The following DLEC1 variants were observed in gnomAD, a reference collection of about 807,000 sequenced individuals.
DLEC1 encodes the protein DLEC1 cilia and flagella associated protein.
In DLEC1, 146 loss-of-function variants were observed where a neutral mutation model predicts 198.1. The observed-to-expected ratio is 0.74, with a 90% CI of 0.64 to 0.85. The LOEUF (loss-of-function observed/expected upper bound fraction) is 0.85, where lower values mean the gene tolerates loss of function less well. Ranked by LOEUF, DLEC1 falls within the 40% of genes least tolerant of loss-of-function variation. The pLI is 0.00. For missense variants in DLEC1, 2,233 were observed against 2,220.0 expected (o/e 1.01, Z -0.12); for synonymous variants, 897 against 866.8 (o/e 1.03, Z -0.61).
chr3:38,075,007 G>T (rs1179455840), intron 6 of DLEC1, among the ~76,000 whole-genome samples: 3 of 152,142 alleles, frequency 2.0e-5, no homozygotes, highest in African/African-American at 7.2e-5. Flanking sequence ...CGGACCGGGT[G>T]TGAGGAGGGG....
chr3:38,075,024 TAGA>T lies in DLEC1; in HGVS notation c.1174-9131_1174-9129del, dbSNP rs200182908. ...GACCGGGTGTGAGGAGGGGAGGTGG[TAGA>T]AGGATTATAGGATGGAAGAGCGGAG... On this transcript the variant is annotated intron_variant, in intron 6 of 36. Coordinates refer to ENST00000308059, the MANE Select transcript of DLEC1 (RefSeq NM_007335.4). 5.5e-3 allele frequency among the ~76,000 whole-genome samples: 833 copies of T among 151,682 alleles called. 5 individuals are homozygous for T. The highest frequency in any genetic ancestry group is 0.019 in the African/African-American group (792 of 41,282).
intron 23 of DLEC1, 134 bp from the exon 24 acceptor site, chr3:38,111,543 C>T: frequency 1.2e-6 from 1 of 800,740 alleles, no homozygotes; most frequent in Non-Finnish European, 1.9e-6. Flanking sequence ...GACCAGCTCT[C>T]CCCTGGGAAG....
At position 38,094,886 on chromosome 3, in the gene DLEC1, G is replaced by A. The variant is rs1345466586; in HGVS notation, c.1927G>A (p.Glu643Lys). 2 of 1,613,802 alleles carry A rather than the reference G, an allele frequency of 1.2e-6. No homozygotes were observed. The highest frequency in any genetic ancestry group is 3.3e-5 in the Admixed American group (2 of 60,004). The change falls in exon 13 of 37, where the codon GAG becomes AAG. Residue 643 changes from glutamate (E) to lysine (K), a missense_variant. By Grantham distance (56) the Glu-to-Lys change is moderately conservative. Transcript: ENST00000308059. ...GATGCGTTGCCCCCACAGGCACGTG[G>A]AGCTGGCCTTCTACTGGCAGATCAT... ...QLIIRNATHV[E>K]LAFYWQIMKP...
intron 6 of DLEC1, among the ~76,000 whole-genome samples, chr3:38,066,328 G>A (rs1389683811): frequency 1.3e-5 from 2 of 152,120 alleles, no homozygotes; most frequent in African/African-American, 4.8e-5. Context: ...TTATTAGCTT[G>A]ATTTTCCATT....
chr3:38,086,292 C>T lies in DLEC1; in HGVS notation c.1487C>T (p.Thr496Ile). 1 of 1,612,812 alleles carries T rather than the reference C, an allele frequency of 6.2e-7. No homozygotes were observed. Among genetic ancestry groups the T allele is most frequent in the African/African-American group, 1.3e-5 (1 of 74,992 alleles). The change falls in exon 9 of 37, where the codon ACC becomes ATC. Residue 496 changes from threonine to isoleucine, a missense_variant. By Grantham distance (89) the Thr-to-Ile change is moderately conservative (BLOSUM62 -1). Coordinates refer to ENST00000308059, the MANE Select transcript of DLEC1 (RefSeq NM_007335.4). ...GYCLIGGVKM[T>I]RFICKNVGFS... ...TGCCTCATTGGGGGAGTCAAGATGA[C>T]CAGATTCATCTGCAAAAATGTGGGT...
rs774542195 is a variant in DLEC1, at chr3:38,117,210, G to A, written c.4308G>A (p.Val1436=). The A allele has an allele frequency of 6.1e-5, 98 of 1,614,060 alleles. No homozygotes were observed. Among genetic ancestry groups the A allele is most frequent in the Non-Finnish European group, 8.2e-5 (97 of 1,180,012 alleles). ...GTGATCAGACTTGGGCTCAGTAGGT[G>A]GAAAGGGAGATTCCAGGGAAGAGGC... ...ALGFMSLDSK[V]EREIPGKRHR... is the part of the protein sequence containing the mutation. The change falls in exon 31 of 37, where the codon GTG becomes GTA. Residue 1436 remains valine, a splice_region_variant and synonymous_variant. Transcript: ENST00000308059.
rs1478344843 is a variant in DLEC1, at chr3:38,112,789, A to G, written c.3666+428A>G. Among the ~76,000 whole-genome samples, 3 of 152,180 alleles carry G rather than the reference A, an allele frequency of 2.0e-5. No homozygotes were observed. The highest frequency in any genetic ancestry group is 6.5e-5 in the Admixed American group (1 of 15,286). ...CCATTTAATTGCTCCAGCACTCAGC[A>G]TAAATGGAGTATCTACTGTGTGTGG... On this transcript the variant is annotated intron_variant, in intron 25 of 36. Coordinates refer to ENST00000308059, the MANE Select transcript of DLEC1 (RefSeq NM_007335.4). The surrounding 1 kb of genome is among the most constrained non-coding windows in gnomAD (Gnocchi z 4.8).
chr3:38,096,501 A>G, intron 14 of DLEC1, 68 bp from the exon 15 acceptor site: 1 of 1,523,092 alleles, frequency 6.6e-7, no homozygotes, highest in South Asian at 1.3e-5. Flanking sequence ...CGTGGGACAG[A>G]GGCAGGGACA....
intron 10 of DLEC1, among the ~76,000 whole-genome samples, chr3:38,090,508 T>C (rs1698687989): frequency 6.6e-6 from 1 of 152,228 alleles, no homozygotes; most frequent in African/African-American, 2.4e-5. Context: ...TGGACCATAA[T>C]TTAGTTCAGC....
chr3:38,057,320 G>A (rs6770761), intron 2 of DLEC1, among the ~76,000 whole-genome samples: 8,858 of 152,172 alleles, frequency 0.058, 323 homozygotes, highest in Middle Eastern at 0.12. Context: ...GTGAAACCCC[G>A]TCTCTACTAA....
intron 19 of DLEC1, among the ~76,000 whole-genome samples, chr3:38,106,155 G>T (rs939933796): frequency 6.6e-6 from 1 of 152,088 alleles, no homozygotes; most frequent in Non-Finnish European, 1.5e-5. Flanking sequence ...ACAGTTATTG[G>T]TTTGTATAGT....
rs1221989328 is a variant in DLEC1 at position 38,122,715 on chromosome 3, T to C, written c.*303T>C. 7.3e-7 allele frequency: 1 copy of C among 1,373,558 alleles called. No homozygotes were observed. Among genetic ancestry groups the C allele is most frequent in the East Asian group, 2.7e-5 (1 of 36,922 alleles). The allele number at this position is 1,373,558 out of a possible 1,614,324, so 85.1% of individuals were successfully genotyped here. A position where few individuals can be genotyped will look rare whatever the true frequency, so the allele number is the denominator to read the frequency against. Reference sequence around the variant, plus strand: ...TGGAAAAAAACCACAGCCACTAAGATAAATTCATGCACTTTTACTATGCCC... The same window carrying C: ...TGGAAAAAAACCACAGCCACTAAGACAAATTCATGCACTTTTACTATGCCC... On this transcript the variant is annotated 3_prime_UTR_variant, in exon 37 of 37. Coordinates refer to ENST00000308059, the MANE Select transcript of DLEC1 (RefSeq NM_007335.4).
chr3:38,041,360 C>G lies in DLEC1; in HGVS notation c.411+1724C>G, dbSNP rs539441128. 2.0e-4 allele frequency among the ~76,000 whole-genome samples: 31 copies of G among 152,228 alleles called. No individual in the cohort carries two copies. In the East Asian group the frequency reaches 5.8e-3, roughly 28 times the overall value. ...GTCCCACTATGTTGCCCAGGCTGGT[C>G]TCAAATTTCTGGCCTCAATTGATCC... On this transcript the variant is annotated intron_variant, in intron 1 of 36. Coordinates refer to ENST00000308059, the MANE Select transcript of DLEC1 (RefSeq NM_007335.4).
chr3:38,084,467 AGTGGTG>A (rs200804795), intron 7 of DLEC1, among the ~76,000 whole-genome samples: 266 of 2,530 alleles, frequency 0.11, 25 homozygotes, highest in African/African-American at 0.13. Context: ...TAGTAATAGT[AGTGGTG>A]GTGGTGGTAG....
intron 35 of DLEC1, 144 bp from the exon 36 acceptor site, chr3:38,121,927 C>T: frequency 6.6e-7 from 1 of 1,508,572 alleles, no homozygotes; most frequent in South Asian, 1.3e-5. Flanking sequence ...GCAGCCAGTC[C>T]CCCAATCCCA....
At position 38,116,666 on chromosome 3, in the gene DLEC1, G is replaced by A. The variant is rs374575202; in HGVS notation, c.4062+8G>A. On this transcript the variant is annotated splice_region_variant and intron_variant, in intron 28 of 36. Coordinates refer to ENST00000308059, the MANE Select transcript of DLEC1 (RefSeq NM_007335.4). ...CATGAAACTGACTCATCAGTGAGCA[G>A]GGGTGGAGGGGCGGGGCAGGCTGGC... The A allele has an allele frequency of 2.0e-4, 319 of 1,613,744 alleles. No homozygotes were observed. Among genetic ancestry groups the A allele is most frequent in the Admixed American group, 1.3e-3 (81 of 60,012 alleles).
rs368528968 is a variant in DLEC1 at position 38,121,641 on chromosome 3, G to A, written c.4880G>A (p.Arg1627Gln). 26 of 1,613,614 alleles carry A rather than the reference G, an allele frequency of 1.6e-5. No homozygotes were observed. Among genetic ancestry groups the A allele is most frequent in the Middle Eastern group, 3.3e-4 (2 of 6,076 alleles). Residue 1627 changes from arginine (R) to glutamine (Q), a missense_variant, in exon 35 of 37, where the codon CGG becomes CAG. Coordinates refer to ENST00000308059, the MANE Select transcript of DLEC1 (RefSeq NM_007335.4). ...GGTCTCCCACAGGTGGTGCCCCTGC[G>A]GGCTGTGGTGGCCGTGCCTGAGCTG... Reference protein sequence around the residue: ...TNQTTQVVPLRAVVAVPELQL... With the variant: ...TNQTTQVVPLQAVVAVPELQL...
At chr3:38,116,939 C>A in intron 29 of DLEC1, 36 bp from the exon 30 acceptor site, 2 of 1,612,640 alleles carry the variant, frequency 1.2e-6, no homozygotes, top group Admixed American at 1.7e-5. Context: ...GGCCAGTGGG[C>A]ATGGGACAGT....
rs1699912818 is a variant in DLEC1 at position 38,112,064 on chromosome 3, C to G, written c.3515-146C>G. The G allele has an allele frequency of 1.5e-6, 2 of 1,300,766 alleles. No individual in the cohort carries two copies. Among genetic ancestry groups the G allele is most frequent in the African/African-American group, 2.9e-5 (2 of 67,908 alleles). The allele number at this position is 1,300,766 out of a possible 1,614,324, so 80.6% of individuals were successfully genotyped here. A position where few individuals can be genotyped will look rare whatever the true frequency, so the allele number is the denominator to read the frequency against. On this transcript the variant is annotated intron_variant, in intron 24 of 36. Coordinates refer to ENST00000308059, the MANE Select transcript of DLEC1 (RefSeq NM_007335.4). The surrounding 1 kb of genome is among the most constrained non-coding windows in gnomAD (Gnocchi z 4.8). Reference sequence around the variant, plus strand: ...GAGTAGCTTGCCTCTGGATTCCAGGCTCCCAGGAGGAGGGCACATGTAGCC... The same window carrying G: ...GAGTAGCTTGCCTCTGGATTCCAGGGTCCCAGGAGGAGGGCACATGTAGCC...
Sources: allele counts gnomAD v4.1 joint callset (sites outside exome capture counted in the v4.1 genomes callset), GRCh38; gene constraint gnomAD v4.1.1; non-coding constraint Gnocchi (gnomAD v3.1); transcripts MANE v1.5; gene names NCBI Gene and HGNC (gene_info 2026-07-23, HGNC 2026-07-21).